Variants in CPLANE1 observed in about 807,000 individuals in gnomAD.
CPLANE1 encodes ciliogenesis and planar polarity effector complex subunit 1.
In CPLANE1, 263 loss-of-function variants were observed where a neutral mutation model predicts 362.5. That is an observed-to-expected ratio of 0.73 (90% CI 0.66 to 0.80). The LOEUF (loss-of-function observed/expected upper bound fraction) is 0.80, where lower values mean the gene tolerates loss of function less well. Ranked by LOEUF, CPLANE1 falls within the 30% of genes least tolerant of loss-of-function variation. The probability of loss-of-function intolerance (pLI) is 0.00; values close to 1 mark genes in which losing one functional copy is unlikely to be tolerated. For synonymous variants in CPLANE1, 1,212 were observed against 1,302.6 expected, an observed-to-expected ratio of 0.93 and a Z score of 1.50; for missense variants, 3,461 against 3,793.4, an observed-to-expected ratio of 0.91 and a Z score of 2.30.
At chr5:37,226,016 C>T (rs1796401607) in intron 12 of CPLANE1, among the ~76,000 whole-genome samples, 1 of 151,840 alleles carries the variant, frequency 6.6e-6, no homozygotes, top group Non-Finnish European at 1.5e-5. Flanking sequence ...ATACATTTAT[C>T]ACGTATAACA....
At chr5:37,138,891 A>G in intron 45 of CPLANE1, 43 bp from the exon 46 acceptor site, 1 of 1,551,514 alleles carries the variant, frequency 6.4e-7, no homozygotes, top group Non-Finnish European at 8.7e-7. Flanking sequence ...ATCAGTATCT[A>G]CAACTTAATT....
At chr5:37,220,425 T>C (rs1225885796) in intron 15 of CPLANE1, among the ~76,000 whole-genome samples, 1 of 152,182 alleles carries the variant, frequency 6.6e-6, no homozygotes, top group East Asian at 1.9e-4. Flanking sequence ...ATAAATATAT[T>C]ACATGTTCAT....
At chr5:37,172,092 ATG>A (rs1779964397) in intron 32 of CPLANE1, among the ~76,000 whole-genome samples, 2 of 152,114 alleles carry the variant, frequency 1.3e-5, no homozygotes, top group African/African-American at 4.8e-5. Flanking sequence ...GATTACAGGT[ATG>A]AGCCACCTCT....
Position 37,209,409 on chromosome 5 carries a change from CA to C in CPLANE1, c.2921-2985del. 7.9e-7 allele frequency: 1 copy of C among 1,265,822 alleles called. No homozygotes were observed. The highest frequency in any genetic ancestry group is 1.2e-6 in the Non-Finnish European group (1 of 864,994). The allele number at this position is 1,265,822 out of a possible 1,614,324, so 78.4% of individuals were successfully genotyped here. A position where few individuals can be genotyped will look rare whatever the true frequency, so the allele number is the denominator to read the frequency against. Reference sequence around the variant, plus strand: ...GCTCCCCGTGGCTGATGTGTTGAGTCAAAATGAACTGCGCAAAAAGCTATAC... The same window carrying C: ...GCTCCCCGTGGCTGATGTGTTGAGTCAAATGAACTGCGCAAAAAGCTATAC... On this transcript the variant is annotated intron_variant, in intron 16 of 52. Coordinates refer to ENST00000651892, the MANE Select transcript of CPLANE1 (RefSeq NM_001384732.1). The surrounding 1 kb of genome is among the most constrained non-coding windows in gnomAD (Gnocchi z 4.6).
At chr5:37,166,356 C>T (rs1778234361) in intron 35 of CPLANE1, among the ~76,000 whole-genome samples, 1 of 152,022 alleles carries the variant, frequency 6.6e-6, no homozygotes, top group Non-Finnish European at 1.5e-5. Context: ...CTAAAGAATA[C>T]GGTAAGATGA....
At chr5:37,094,660 A>T in the CPLANE1 span, among the ~76,000 whole-genome samples, 1 of 152,236 alleles carries the variant, frequency 6.6e-6, no homozygotes, top group Non-Finnish European at 1.5e-5. Context: ...TTCATTGAAA[A>T]GATAAATAAA....
the CPLANE1 span, among the ~76,000 whole-genome samples, chr5:37,077,606 C>CTTTTTTTTTTT: frequency 1.3e-5 from 1 of 75,922 alleles, no homozygotes; most frequent in Non-Finnish European, 2.2e-5. Flanking sequence ...GTGTGTGTGT[C>CTTTTTTTTTTT]TTTTTTTTTT....
At position 37,107,504 on chromosome 5, in the gene CPLANE1, G is replaced by A. The variant is rs1472917080; in HGVS notation, c.*98C>T. The stretch of plus-strand genomic sequence containing the variant: ...TGAAAGCAAATGGAAAATTCACATT[G>A]CTTCTTTCATTGCTTCTGTCCCTTA... On this transcript the variant is annotated 3_prime_UTR_variant, in exon 53 of 53. Coordinates refer to ENST00000651892, the MANE Select transcript of CPLANE1 (RefSeq NM_001384732.1). The A allele has an allele frequency of 7.5e-7, 1 of 1,329,636 alleles. No individual in the cohort carries two copies. Among genetic ancestry groups the A allele is most frequent in the Non-Finnish European group, 9.7e-7 (1 of 1,031,858 alleles). The allele number at this position is 1,329,636 out of a possible 1,614,324, so 82.4% of individuals were successfully genotyped here. A position where few individuals can be genotyped will look rare whatever the true frequency, so the allele number is the denominator to read the frequency against.
At chr5:37,216,214 G>A (rs1794054085) in intron 15 of CPLANE1, among the ~76,000 whole-genome samples, 1 of 152,140 alleles carries the variant, frequency 6.6e-6, no homozygotes, top group Non-Finnish European at 1.5e-5. Flanking sequence ...TAGCTCACTA[G>A]TATAAGATTT....
chr5:37,109,657 T>C (rs1423491177), intron 51 of CPLANE1, among the ~76,000 whole-genome samples: 1 of 152,112 alleles, frequency 6.6e-6, no homozygotes, highest in African/African-American at 2.4e-5. Flanking sequence ...TAAAATCCAG[T>C]ATATCTTTTT....
chr5:37,088,234 CTGA>C, the CPLANE1 span, among the ~76,000 whole-genome samples: 3 of 152,210 alleles, frequency 2.0e-5, no homozygotes, highest in Non-Finnish European at 4.4e-5. Flanking sequence ...ACCCAAGCTG[CTGA>C]TATCTTATCG....
intron 34 of CPLANE1, 106 bp downstream of exon 34, chr5:37,168,685 A>G: frequency 1.1e-6 from 1 of 936,696 alleles, no homozygotes; most frequent in Non-Finnish European, 1.6e-6. Flanking sequence ...TTCTATAACA[A>G]GCATTTTTTT....
intron 42 of CPLANE1, among the ~76,000 whole-genome samples, chr5:37,153,181 T>G (rs1042402572): frequency 6.6e-6 from 1 of 152,174 alleles, no homozygotes; most frequent in African/African-American, 2.4e-5. Flanking sequence ...ATCAGCTGAA[T>G]AGCCCTATAT....
intron 42 of CPLANE1, among the ~76,000 whole-genome samples, chr5:37,150,861 A>AT (rs1773338569): frequency 6.6e-6 from 1 of 152,188 alleles, no homozygotes; most frequent in African/African-American, 2.4e-5. Flanking sequence ...TTTCAGGGAA[A>AT]TGGGGCCCAG....
intron 2 of CPLANE1, chr5:37,246,154 T>A: frequency 2.2e-3 from 2 of 916 alleles, no homozygotes; most frequent in Non-Finnish European, 5.0e-3. Flanking sequence ...TTTTTAATCT[T>A]TTTTTTTTTT....
Position 37,182,968 on chromosome 5 carries a change from T to A in CPLANE1, c.5213A>T (p.Asn1738Ile). The A allele has an allele frequency of 6.2e-7, 1 of 1,607,226 alleles. No homozygotes were observed. The highest frequency in any genetic ancestry group is 8.5e-7 in the Non-Finnish European group (1 of 1,176,694). ...CAGTCTTCCTATACTGCCAAAAGTG[T>A]TTAGTGCTAAAGGAAGATCTTCTTG... ...NPQEDLPLAL[N>I]TFGSIGRLLE... Residue 1738 changes from asparagine to isoleucine, a missense_variant, in exon 26 of 53, where the codon AAC (asparagine) becomes ATC (isoleucine). By Grantham distance (149) the Asn-to-Ile change is moderately radical (BLOSUM62 -3). This residue lies in a region of CPLANE1 where 3,380 missense variants were observed against 3,666.1 expected (regional missense o/e 0.92). Coordinates refer to ENST00000651892, the MANE Select transcript of CPLANE1 (RefSeq NM_001384732.1).
At chr5:37,149,874 T>C (rs1772993011) in intron 42 of CPLANE1, among the ~76,000 whole-genome samples, 1 of 152,228 alleles carries the variant, frequency 6.6e-6, no homozygotes, top group African/African-American at 2.4e-5. Context: ...ATAACTGTTC[T>C]ACTGGTGAAT....
At chr5:37,151,359 A>AGTT (rs756510816) in intron 42 of CPLANE1, among the ~76,000 whole-genome samples, 3 of 152,184 alleles carry the variant, frequency 2.0e-5, no homozygotes, top group Non-Finnish European at 4.4e-5. Flanking sequence ...CAGTCACAAC[A>AGTT]TGTCAGGCAT....
At chr5:37,239,949 G>A in intron 6 of CPLANE1, 80 bp from the exon 7 acceptor site, 2 of 1,029,770 alleles carry the variant, frequency 1.9e-6, no homozygotes, top group Non-Finnish European at 2.7e-6. Flanking sequence ...AAAAATTAAA[G>A]GATCCATCCA....
Sources: allele counts gnomAD v4.1 joint callset (sites outside exome capture counted in the v4.1 genomes callset), GRCh38; gene constraint gnomAD v4.1.1; regional missense constraint gnomAD v4.1.1; non-coding constraint Gnocchi (gnomAD v3.1); transcripts MANE v1.5; gene names NCBI Gene and HGNC (gene_info 2026-07-23, HGNC 2026-07-21).